Variants in UGT3A1 observed in about 807,000 individuals in gnomAD.
UGT3A1 encodes UDP-glycosyltransferase 3A1.
A neutral mutation model predicts 37.6 loss-of-function variants in UGT3A1; 40 were observed. The observed-to-expected ratio is 1.06, with a 90% CI of 0.83 to 1.38. The LOEUF (loss-of-function observed/expected upper bound fraction) is 1.38. Among genes scored for constraint, UGT3A1 ranks in the 40% most tolerant of loss-of-function variants. The pLI is 0.00. For synonymous variants in UGT3A1, 256 were observed against 232.3 expected, an observed-to-expected ratio of 1.10 and a Z score of -0.93; for missense variants, 642 against 634.2, an observed-to-expected ratio of 1.01 and a Z score of -0.13.
rs1369298643 is a variant in UGT3A1, at chr5:35,952,153, C to CAGAAGTTTCTTTGAATG, written c.*2048_*2049insCATTCAAAGAAACTTCT. On this transcript the variant is annotated 3_prime_UTR_variant, in exon 7 of 7. Transcript: ENST00000274278. ...ATGACACTGGATACTGACAGATAAG[C>CAGAAGTTTCTTTGAATG]AGAAGTTTCTCATTCCAGCAAGAAT... The CAGAAGTTTCTTTGAATG allele has an allele frequency of 2.6e-5, 4 of 152,170 alleles. No homozygotes were observed. The highest frequency in any genetic ancestry group is 9.7e-5 in the African/African-American group (4 of 41,430). The allele number at this position is 152,170 out of a possible 1,614,324, so 9.4% of individuals were successfully genotyped here. A position where few individuals can be genotyped will look rare whatever the true frequency, so the allele number is the denominator to read the frequency against.
chr5:35,980,488 T>C (rs1740477552), intron 2 of UGT3A1, among the ~76,000 whole-genome samples: 2 of 152,104 alleles, frequency 1.3e-5, no homozygotes, highest in Non-Finnish European at 2.9e-5. Context: ...GAGAGAAAAG[T>C]CAAGTTGGGA....
At chr5:35,968,704 G>T (rs1404874378) in intron 2 of UGT3A1, among the ~76,000 whole-genome samples, 5 of 151,414 alleles carry the variant, frequency 3.3e-5, no homozygotes, top group Admixed American at 6.6e-5. Flanking sequence ...CTCCATTCTT[G>T]GAGTTTGACT....
upstream of UGT3A1, among the ~76,000 whole-genome samples, chr5:35,992,425 G>T (rs1349630546): frequency 4.6e-5 from 7 of 152,000 alleles, no homozygotes; most frequent in African/African-American, 1.7e-4. Flanking sequence ...AAGTGTGGAG[G>T]GGGGAAGGTT....
intron 1 of UGT3A1, among the ~76,000 whole-genome samples, chr5:36,000,527 A>T (rs1441673874): frequency 2.0e-5 from 3 of 152,172 alleles, no homozygotes; most frequent in Non-Finnish European, 4.4e-5. Context: ...TCATGGATTC[A>T]CATCTCTCAT....
chr5:36,000,686 T>C (rs985532660), intron 1 of UGT3A1, among the ~76,000 whole-genome samples: 4 of 152,250 alleles, frequency 2.6e-5, no homozygotes, highest in African/African-American at 9.6e-5. Context: ...ACCAGGCATG[T>C]ATACAAAGGA....
intron 2 of UGT3A1, among the ~76,000 whole-genome samples, chr5:35,976,663 G>C (rs1415115840): frequency 6.6e-6 from 1 of 151,928 alleles, no homozygotes. Context: ...AACATAGTGA[G>C]ATACCGACTC....
chr5:35,991,995 G>T (rs1740966177), upstream of UGT3A1, among the ~76,000 whole-genome samples: 1 of 152,216 alleles, frequency 6.6e-6, no homozygotes, highest in Non-Finnish European at 1.5e-5. Flanking sequence ...AGAATAGCTT[G>T]TAATTCTGCC....
intron 4 of UGT3A1, chr5:35,962,647 T>C (rs1446150465): frequency 1.6e-5 from 8 of 513,682 alleles, no homozygotes; most frequent in African/African-American, 1.5e-4. Flanking sequence ...AGCCTGCACA[T>C]GTGGGGCCTC....
intron 2 of UGT3A1, among the ~76,000 whole-genome samples, chr5:35,977,563 C>T (rs1740341318): frequency 6.6e-6 from 1 of 152,168 alleles, no homozygotes; most frequent in Non-Finnish European, 1.5e-5. Flanking sequence ...AGCTCCCTCT[C>T]TCATCATGTG....
At chr5:35,982,534 G>A (rs1009711854) in intron 2 of UGT3A1, among the ~76,000 whole-genome samples, 1 of 152,230 alleles carries the variant, frequency 6.6e-6, no homozygotes, top group Admixed American at 6.5e-5. Context: ...CTCCCATTTG[G>A]AATGGGAATA....
intron 2 of UGT3A1, among the ~76,000 whole-genome samples, chr5:35,987,809 A>G (rs1740784855): frequency 6.6e-6 from 1 of 152,174 alleles, no homozygotes; most frequent in South Asian, 2.1e-4. Context: ...TTCATTTGAC[A>G]TTAAACAAAT....
At chr5:35,988,797 C>T (rs1390337831) in intron 1 of UGT3A1, among the ~76,000 whole-genome samples, 1 of 152,134 alleles carries the variant, frequency 6.6e-6, no homozygotes, top group Admixed American at 6.5e-5. Context: ...CAAAGATTTC[C>T]GCTTGTGGCT....
intron 2 of UGT3A1, among the ~76,000 whole-genome samples, chr5:35,982,343 C>A (rs944771851): frequency 1.3e-5 from 2 of 152,228 alleles, no homozygotes; most frequent in Non-Finnish European, 2.9e-5. Flanking sequence ...AGGGGCTATA[C>A]CTTGCAGAGC....
At chr5:35,987,018 G>A (rs1238433746) in intron 2 of UGT3A1, among the ~76,000 whole-genome samples, 2 of 151,940 alleles carry the variant, frequency 1.3e-5, no homozygotes. Context: ...AAATAATTAT[G>A]TTCTCCTTTA....
intron 2 of UGT3A1, among the ~76,000 whole-genome samples, chr5:35,971,485 CACACACAT>C (rs1740035606): frequency 6.6e-6 from 1 of 151,778 alleles, no homozygotes; most frequent in African/African-American, 2.4e-5. Context: ...CACACACACA[CACACACAT>C]ACACAAATGT....
intron 2 of UGT3A1, among the ~76,000 whole-genome samples, chr5:35,971,387 T>A (rs1280500205): frequency 6.6e-6 from 1 of 151,930 alleles, no homozygotes; most frequent in African/African-American, 2.4e-5. Context: ...ATTACCAACA[T>A]TCCATTCCCA....
At chr5:35,960,589 T>A (rs551581592) in intron 4 of UGT3A1, among the ~76,000 whole-genome samples, 168 of 152,210 alleles carry the variant, frequency 1.1e-3, no homozygotes, top group African/African-American at 3.8e-3. Context: ...TATATAAGGG[T>A]GGGTGCCTGC....
At chr5:35,980,526 A>G (rs1367870645) in intron 2 of UGT3A1, among the ~76,000 whole-genome samples, 1 of 152,240 alleles carries the variant, frequency 6.6e-6, no homozygotes, top group Non-Finnish European at 1.5e-5. Context: ...CAGTACATAT[A>G]TGTCAGAACA....
intron 1 of UGT3A1, among the ~76,000 whole-genome samples, chr5:35,998,997 G>A (rs1195544171): frequency 6.6e-6 from 1 of 152,072 alleles, no homozygotes; most frequent in African/African-American, 2.4e-5. Context: ...AGCACTTTCG[G>A]AGGCCAAGGT....
Sources: allele counts gnomAD v4.1 joint callset (sites outside exome capture counted in the v4.1 genomes callset), GRCh38; gene constraint gnomAD v4.1.1; transcripts MANE v1.5; gene names NCBI Gene and HGNC (gene_info 2026-07-23, HGNC 2026-07-21).